The following TARBP1 variants were observed in gnomAD, a reference collection of about 807,000 sequenced individuals.
TARBP1 encodes the protein tRNA (guanosine(18)-2'-O)-methyltransferase TARBP1.
TARBP1 carries 144 observed loss-of-function variants against 178.6 expected under a neutral mutation model. The observed-to-expected ratio is 0.81, with a 90% CI of 0.70 to 0.93. The LOEUF is 0.93. TARBP1 is among the 40% of genes least tolerant of loss of function. The pLI is 0.00. For synonymous variants in TARBP1, 787 were observed against 781.0 expected (o/e 1.01, Z -0.13); for missense variants, 2,067 against 2,011.7 (o/e 1.03, Z -0.53).
At chr1:234,410,557 T>C (rs1481332695) in intron 22 of TARBP1, 26 bp from the exon 23 acceptor site, 3 of 1,378,090 alleles carry the variant, frequency 2.2e-6, no homozygotes, top group Non-Finnish European at 2.0e-6. Flanking sequence ...GATAAACAAA[T>C]ATTGATTCAA....
chr1:234,447,329 C>G (rs927617029), intron 11 of TARBP1, among the ~76,000 whole-genome samples: 1 of 66,392 alleles, frequency 1.5e-5, no homozygotes, highest in Admixed American at 2.1e-4. Context: ...GGAACTAGAA[C>G]ATGTTTTTAA....
At chr1:234,447,408 T>G (rs1666305290) in intron 11 of TARBP1, among the ~76,000 whole-genome samples, 1 of 148,620 alleles carries the variant, frequency 6.7e-6, no homozygotes, top group Admixed American at 6.8e-5. Flanking sequence ...TTTTTTTTTT[T>G]TTTTGAGATG....
chr1:234,396,860 A>G (rs1198972395), intron 26 of TARBP1, among the ~76,000 whole-genome samples: 1 of 152,018 alleles, frequency 6.6e-6, no homozygotes, highest in Non-Finnish European at 1.5e-5. Context: ...AGTTTGGAGA[A>G]GCACCGATGT....
At chr1:234,416,855 T>C (rs369938873) in intron 22 of TARBP1, among the ~76,000 whole-genome samples, 10 of 152,034 alleles carry the variant, frequency 6.6e-5, no homozygotes, top group African/African-American at 2.2e-4. Context: ...GCCCTGCAGG[T>C]GGCTGGAGAA....
chr1:234,430,452 C>T (rs1462176115), intron 14 of TARBP1, 151 bp from the exon 15 acceptor site: 2 of 656,160 alleles, frequency 3.0e-6, no homozygotes, highest in Admixed American at 2.9e-5. Flanking sequence ...AAATCCAGTA[C>T]ACATCATTCA....
At position 234,430,349 on chromosome 1, in the gene TARBP1, A is replaced by C. The variant is rs370967439; in HGVS notation, c.2395-48T>G. The stretch of plus-strand genomic sequence containing the variant: ...TTTTATTTAATATGCACAAGTCTTA[A>C]TCAGTAATGACCTCAGTTGCCAGTC... On this transcript the variant is annotated intron_variant, in intron 14 of 29. Transcript: ENST00000040877. 4.1e-4 allele frequency: 638 copies of C among 1,548,808 alleles called. 6 individuals carry two copies. In the South Asian group the frequency reaches 6.7e-3, roughly 16 times the overall value.
intron 27 of TARBP1, 23 bp from the exon 28 acceptor site, chr1:234,393,509 T>C (rs1659613388): frequency 6.4e-7 from 1 of 1,572,860 alleles, no homozygotes; most frequent in Non-Finnish European, 8.6e-7. Context: ...CCTGGGATCA[T>C]TAAGATTGTT....
intron 4 of TARBP1, among the ~76,000 whole-genome samples, chr1:234,466,680 T>C (rs1668474800): frequency 1.3e-5 from 2 of 152,024 alleles, no homozygotes; most frequent in Admixed American, 6.5e-5. Flanking sequence ...CCAGCCAAGA[T>C]GGTGGAACCC....
intron 12 of TARBP1, among the ~76,000 whole-genome samples, chr1:234,439,287 T>C (rs757160669): frequency 3.9e-5 from 6 of 152,160 alleles, no homozygotes; most frequent in Non-Finnish European, 8.8e-5. Flanking sequence ...AATTATAACA[T>C]TGTCTTGTAG....
intron 14 of TARBP1, 31 bp downstream of exon 14, chr1:234,433,379 T>G (rs202177394): frequency 6.2e-7 from 1 of 1,603,586 alleles, no homozygotes; most frequent in Non-Finnish European, 8.5e-7. Context: ...TTATTCAAGA[T>G]AACTACAAAC....
intron 29 of TARBP1, among the ~76,000 whole-genome samples, chr1:234,392,068 A>G (rs556389214): frequency 1.3e-5 from 2 of 152,354 alleles, no homozygotes; most frequent in East Asian, 3.9e-4. Flanking sequence ...ACTGTAAAAC[A>G]GAAAAGTAAC....
intron 23 of TARBP1, among the ~76,000 whole-genome samples, chr1:234,408,983 A>T (rs1260631938): frequency 1.3e-5 from 2 of 152,214 alleles, no homozygotes; most frequent in Non-Finnish European, 2.9e-5. Flanking sequence ...CTCAGTACAG[A>T]TCCCACATGC....
At chr1:234,402,089 A>T (rs1297562500) in intron 24 of TARBP1, among the ~76,000 whole-genome samples, 1 of 152,144 alleles carries the variant, frequency 6.6e-6, no homozygotes, top group African/African-American at 2.4e-5. Context: ...GGGCTTTTGT[A>T]TCTAGTCTTA....
chr1:234,439,738 A>C (rs1665401256), intron 12 of TARBP1, among the ~76,000 whole-genome samples: 4 of 152,210 alleles, frequency 2.6e-5, no homozygotes, highest in Admixed American at 1.3e-4. Flanking sequence ...AGGCAGGAGA[A>C]TCGCTTGAAC....
At chr1:234,435,397 G>C (rs1351360838) in intron 13 of TARBP1, among the ~76,000 whole-genome samples, 1 of 152,192 alleles carries the variant, frequency 6.6e-6, no homozygotes, top group Admixed American at 6.5e-5. Context: ...GCAGAAGATT[G>C]CTTGAACCCG....
At position 234,451,766 on chromosome 1, in the gene TARBP1, A is replaced by AAAAAC. The variant is rs57636903; in HGVS notation, c.1723-1201_1723-1200insGTTTT. Among the ~76,000 whole-genome samples, 12 of 17,166 alleles carry AAAAAC rather than the reference A, an allele frequency of 7.0e-4. 6 individuals carry two copies. The highest frequency in any genetic ancestry group is 0.013 in the South Asian group (2 of 158). 11.3% of individuals were successfully genotyped at this position (17,166 alleles called of 152,430 possible). ...TCCGTCTCAAAAAAAAAAAAAAAAA[A>AAAAAC]TGATGAATGACTGGATCATCGAAGT... On this transcript the variant is annotated intron_variant, in intron 9 of 29. Coordinates refer to ENST00000040877, the MANE Select transcript of TARBP1 (RefSeq NM_005646.4).
chr1:234,440,085 A>C (rs1665441761), intron 12 of TARBP1, among the ~76,000 whole-genome samples: 1 of 152,198 alleles, frequency 6.6e-6, no homozygotes, highest in East Asian at 1.9e-4. Flanking sequence ...AGTAACTAGG[A>C]AAGTCTCCAA....
chr1:234,418,277 T>G (rs1325190072), intron 21 of TARBP1, 44 bp from the exon 22 acceptor site: 6 of 1,496,296 alleles, frequency 4.0e-6, no homozygotes, highest in Non-Finnish European at 5.3e-6. Context: ...GTTATTCATT[T>G]TAATTTAAAA....
intron 12 of TARBP1, among the ~76,000 whole-genome samples, chr1:234,441,471 T>G (rs1045588812): frequency 3.3e-5 from 5 of 152,218 alleles, no homozygotes; most frequent in African/African-American, 1.2e-4. Context: ...AATAAACACT[T>G]AGATCAAAAG....
Sources: gnomAD v4.1 joint callset for allele counts (sites outside exome capture counted in the v4.1 genomes callset) on GRCh38, gnomAD v4.1.1 for gene constraint, MANE v1.5 for transcripts, NCBI Gene and HGNC (gene_info 2026-07-23, HGNC 2026-07-21) for gene names.